Variants in PCDHA12 observed in about 807,000 individuals in gnomAD.
The protein encoded by PCDHA12 is protocadherin alpha-12.
Under a neutral mutation model 60.0 loss-of-function variants are expected in PCDHA12, and 44 were observed. The observed-to-expected ratio is 0.73, with a 90% confidence interval of 0.58 to 0.94. The LOEUF is 0.94. PCDHA12 is among the 40% of genes least tolerant of loss of function. The probability of loss-of-function intolerance (pLI) is 0.00; values close to 1 mark genes in which losing one functional copy is unlikely to be tolerated. For synonymous variants in PCDHA12, 569 were observed against 553.0 expected (o/e 1.03, Z -0.40); for missense variants, 1,276 against 1,239.7 (o/e 1.03, Z -0.44).
At chr5:140,924,738 T>C (rs2153573504) in intron 1 of PCDHA12, among the ~76,000 whole-genome samples, 1 of 151,522 alleles carries the variant, frequency 6.6e-6, no homozygotes, top group Admixed American at 6.6e-5. Flanking sequence ...CTAATAAAAA[T>C]ACAAAAATTA....
chr5:140,980,313 C>G (rs904282752), intron 2 of PCDHA12, among the ~76,000 whole-genome samples: 7 of 152,166 alleles, frequency 4.6e-5, no homozygotes, highest in Admixed American at 3.9e-4. Context: ...GCCTTAAAAA[C>G]TACATTTGAA....
intron 1 of PCDHA12, among the ~76,000 whole-genome samples, chr5:140,963,050 G>A (rs2095732681): frequency 6.6e-6 from 1 of 152,030 alleles, no homozygotes; most frequent in African/African-American, 2.4e-5. Flanking sequence ...AGTCTATAAG[G>A]GTTTCTACAT....
intron 1 of PCDHA12, among the ~76,000 whole-genome samples, chr5:140,893,701 C>A (rs1297465606): frequency 6.6e-6 from 1 of 152,104 alleles, no homozygotes; most frequent in African/African-American, 2.4e-5. Context: ...TCTATCCTAG[C>A]CTGTAAAGCT....
In PCDHA12 at chr5:140,876,910, T is replaced by C. The variant is rs184817309; in HGVS notation, c.1438T>C (p.Trp480Arg). The change falls in exon 1 of 4, where the codon TGG (tryptophan) becomes CGG (arginine). Residue 480 changes from tryptophan (W) to arginine (R), a missense_variant. Physicochemically the swap from Trp to Arg is moderately radical, Grantham distance 101 (BLOSUM62 -3). Transcript: ENST00000398631. ...CTGCCACATCTTCACGGTGTCGGCA[T>C]GGGACGCGGACGCGCAGAAGAACGC... ...PGCHIFTVSA[W>R]DADAQKNALV... 5 of 1,613,976 alleles carry C rather than the reference T, an allele frequency of 3.1e-6. No individual in the cohort carries two copies. In the African/African-American group the frequency reaches 4.0e-5, roughly 13 times the overall value.
intron 1 of PCDHA12, among the ~76,000 whole-genome samples, chr5:140,973,759 C>G (rs1050304490): frequency 2.0e-5 from 3 of 152,250 alleles, no homozygotes; most frequent in Non-Finnish European, 4.4e-5. Flanking sequence ...TGCAGGGACA[C>G]AGCCTGGCAT....
Position 140,876,031 on chromosome 5 carries a change from G to C in PCDHA12, c.559G>C (p.Asp187His). ...TGAGCTTAAAATAAAAACAAAAAAA[G>C]ATAAAAGTATATTGCCTGAATTAGT... ...NFELKIKTKK[D>H]KSILPELVLR... Residue 187 changes from aspartate to histidine, a missense_variant, in exon 1 of 4, where the codon GAT becomes CAT. Physicochemically the swap from Asp to His is moderately conservative, Grantham distance 81. Transcript: ENST00000398631. The C allele has an allele frequency of 1.2e-6, 2 of 1,613,702 alleles. No individual in the cohort carries two copies. The highest frequency in any genetic ancestry group is 1.7e-6 in the Non-Finnish European group (2 of 1,179,820).
intron 3 of PCDHA12, among the ~76,000 whole-genome samples, chr5:140,985,103 A>G (rs1342526252): frequency 6.6e-6 from 1 of 151,694 alleles, no homozygotes; most frequent in African/African-American, 2.4e-5. Context: ...AAGCCTGGCT[A>G]ATTTTTTGTG....
At chr5:140,881,648 CCTT>C (rs1554172342) in intron 1 of PCDHA12, among the ~76,000 whole-genome samples, 4 of 152,182 alleles carry the variant, frequency 2.6e-5, no homozygotes, top group African/African-American at 9.7e-5. Flanking sequence ...ATATTTTTCA[CCTT>C]CACCGATTTT....
intron 1 of PCDHA12, among the ~76,000 whole-genome samples, chr5:140,915,255 A>G (rs2077044659): frequency 6.6e-6 from 1 of 152,018 alleles, no homozygotes; most frequent in African/African-American, 2.4e-5. Flanking sequence ...CCAGGTTGTT[A>G]TTATTTTTGA....
intron 1 of PCDHA12, among the ~76,000 whole-genome samples, chr5:140,925,907 C>T (rs937426015): frequency 6.6e-6 from 1 of 151,848 alleles, no homozygotes; most frequent in African/African-American, 2.4e-5. Flanking sequence ...TCGTCAAGGG[C>T]CGTTTGCAAA....
intron 1 of PCDHA12, among the ~76,000 whole-genome samples, chr5:140,941,845 C>T (rs2093180727): frequency 6.6e-6 from 1 of 152,160 alleles, no homozygotes. Context: ...GCTGCCATTA[C>T]CTGATATTCC....
chr5:141,002,598 C>T (rs2098087385), intron 3 of PCDHA12, among the ~76,000 whole-genome samples: 1 of 152,212 alleles, frequency 6.6e-6, no homozygotes, highest in Admixed American at 6.5e-5. Flanking sequence ...GTCCCCTCAT[C>T]TATAAAACAG....
intron 3 of PCDHA12, among the ~76,000 whole-genome samples, chr5:141,000,417 A>T (rs1334137638): frequency 1.8e-3 from 141 of 77,654 alleles, no homozygotes; most frequent in African/African-American, 4.6e-3. Context: ...ATATATATAT[A>T]TATATTTTTT....
chr5:140,946,631 T>TAC (rs374022482), intron 1 of PCDHA12, among the ~76,000 whole-genome samples: 8 of 131,856 alleles, frequency 6.1e-5, no homozygotes, highest in African/African-American at 1.7e-4. Context: ...TATATATATA[T>TAC]ACAATGGAAT....
intron 3 of PCDHA12, among the ~76,000 whole-genome samples, chr5:141,005,708 A>G (rs1245739768): frequency 6.8e-6 from 1 of 146,360 alleles, no homozygotes; most frequent in Non-Finnish European, 1.5e-5. Context: ...TCTCAAAAAA[A>G]AAAAAAAAAA....
At chr5:140,955,065 T>C (rs1258214145) in intron 1 of PCDHA12, among the ~76,000 whole-genome samples, 8 of 152,214 alleles carry the variant, frequency 5.3e-5, no homozygotes, top group Admixed American at 3.3e-4. Context: ...GTCAGGTTTG[T>C]TGAAGATCAG....
chr5:140,967,342 C>T (rs149890293), intron 1 of PCDHA12: 40 of 1,607,992 alleles, frequency 2.5e-5, no homozygotes, highest in Non-Finnish European at 3.4e-5. Context: ...CCAGCGAGCA[C>T]TTCGAGCTGG....
At chr5:140,954,086 C>T (rs2094976679) in intron 1 of PCDHA12, among the ~76,000 whole-genome samples, 1 of 152,212 alleles carries the variant, frequency 6.6e-6, no homozygotes, top group African/African-American at 2.4e-5. Context: ...CTTCCAGCTC[C>T]ATCCATGTCC....
At chr5:140,910,037 C>G (rs1290917830) in intron 1 of PCDHA12, among the ~76,000 whole-genome samples, 1 of 152,198 alleles carries the variant, frequency 6.6e-6, no homozygotes, top group Non-Finnish European at 1.5e-5. Context: ...ATAAATCCCA[C>G]TTGGTCATAA....
Sources: gnomAD v4.1 joint callset for allele counts (sites outside exome capture counted in the v4.1 genomes callset) on GRCh38, gnomAD v4.1.1 for gene constraint, MANE v1.5 for transcripts, NCBI Gene and HGNC (gene_info 2026-07-23, HGNC 2026-07-21) for gene names.